The following PAQR8 variants were observed in gnomAD, a reference collection of about 807,000 sequenced individuals.
The protein encoded by PAQR8 is membrane progestin receptor beta.
A neutral mutation model predicts 25.2 loss-of-function variants in PAQR8; 17 were observed. The ratio of observed to expected loss-of-function variants is 0.67; its 90% CI spans 0.46 to 1.01. The LOEUF is 1.01. Among genes scored for constraint, PAQR8 ranks in the 50% least tolerant of loss-of-function variants. The pLI, the probability that PAQR8 is intolerant of heterozygous loss-of-function variation, is 0.00. For synonymous variants in PAQR8, 204 were observed against 190.6 expected (o/e 1.07, Z -0.58); for missense variants, 392 against 448.4 (o/e 0.87, Z 1.14).
intron 1 of PAQR8, among the ~76,000 whole-genome samples, chr6:52,402,520 G>A (rs543148684): frequency 6.6e-6 from 1 of 151,866 alleles, no homozygotes; most frequent in Admixed American, 6.5e-5. Context: ...GGGAGGCTGA[G>A]GCAGGAGAAT....
chr6:52,381,919 A>G (rs1018774576), intron 1 of PAQR8, among the ~76,000 whole-genome samples: 4 of 152,222 alleles, frequency 2.6e-5, no homozygotes, highest in Non-Finnish European at 4.4e-5. Context: ...ACACATGAGA[A>G]TGTAGCAGCC....
rs1763892544 is a variant in PAQR8 at position 52,405,098 on chromosome 6, T to G, written c.*820T>G. ...ACTATATGGTATCATGGGACCCATC[T>G]ATTTTTTACCAGTGGACTACAGGAT... On this transcript the variant is annotated 3_prime_UTR_variant, in exon 2 of 2. Coordinates refer to ENST00000442253, the MANE Select transcript of PAQR8 (RefSeq NM_133367.5). 6.0e-6 allele frequency: 1 copy of G among 167,114 alleles called. No individual in the cohort carries two copies. Among genetic ancestry groups the G allele is most frequent in the Admixed American group, 6.5e-5 (1 of 15,280 alleles). The allele number at this position is 167,114 out of a possible 1,614,324, so 10.4% of individuals were successfully genotyped here. A position where few individuals can be genotyped will look rare whatever the true frequency, so the allele number is the denominator to read the frequency against.
intron 1 of PAQR8, among the ~76,000 whole-genome samples, chr6:52,372,540 C>G (rs2113935572): frequency 6.6e-6 from 1 of 152,220 alleles, no homozygotes; most frequent in African/African-American, 2.4e-5. Context: ...AACCTCTGAT[C>G]TACAACAGAT....
chr6:52,378,577 G>A (rs563615554), intron 1 of PAQR8, among the ~76,000 whole-genome samples: 6 of 152,204 alleles, frequency 3.9e-5, no homozygotes, highest in African/African-American at 1.4e-4. Context: ...CGGATCACGA[G>A]GTCAGGAGTT....
chr6:52,385,875 G>A (rs1332661123), intron 1 of PAQR8, among the ~76,000 whole-genome samples: 1 of 152,126 alleles, frequency 6.6e-6, no homozygotes, highest in Admixed American at 6.5e-5. Context: ...GACAGAGTGA[G>A]ACCCTGTCTC....
chr6:52,394,102 G>T (rs1763740888), intron 1 of PAQR8, among the ~76,000 whole-genome samples: 1 of 152,128 alleles, frequency 6.6e-6, no homozygotes, highest in Non-Finnish European at 1.5e-5. Context: ...AGATAATAAG[G>T]ACTCAAATTC....
rs1562432693 is a variant in PAQR8 at position 52,393,332 on chromosome 6, TC to T, written c.-52-9829del. ...TACTATTATTCTGACACTTTCTCTC[TC>T]TTTTTTTTTTTTTTTTTTTTGAGAC... is the stretch of plus-strand genomic sequence containing the variant. On this transcript the variant is annotated intron_variant, in intron 1 of 1. Transcript: ENST00000442253. 5.7e-5 allele frequency among the ~76,000 whole-genome samples: 7 copies of T among 123,886 alleles called. No individual in the cohort carries two copies. The East Asian group carries it at 1.7e-3, about 30-fold the overall frequency. The allele number at this position is 123,886 out of a possible 152,430, so 81.3% of individuals were successfully genotyped here.
At chr6:52,372,733 C>CAT (rs61001949) in intron 1 of PAQR8, among the ~76,000 whole-genome samples, 12,119 of 145,264 alleles carry the variant, frequency 0.083, 545 homozygotes, top group South Asian at 0.16. Flanking sequence ...TGGCCAACTC[C>CAT]ATATATATAT....
In PAQR8 at chr6:52,403,695, C is replaced by T. The variant is rs752117077; in HGVS notation, c.482C>T (p.Ala161Val). Residue 161 changes from alanine (A) to valine (V), a missense_variant, in exon 2 of 2, where the codon GCT becomes GTT. Physicochemically the swap from Ala to Val is moderately conservative, Grantham distance 64 (BLOSUM62 0). Transcript: ENST00000442253. ...GTTTACCAATATGGCAGTGCTTTGG[C>T]TCATTTCTTCTACAGCTCTGACCAG... ...VSVYQYGSAL[A>V]HFFYSSDQAW... The T allele has an allele frequency of 1.2e-6, 2 of 1,614,260 alleles. No homozygotes were observed. The highest frequency in any genetic ancestry group is 1.7e-6 in the Non-Finnish European group (2 of 1,180,052).
At chr6:52,397,760 T>A (rs1763783296) in intron 1 of PAQR8, among the ~76,000 whole-genome samples, 3 of 152,184 alleles carry the variant, frequency 2.0e-5, no homozygotes, top group African/African-American at 7.2e-5. Flanking sequence ...TAAGGTAGAA[T>A]CTTGGTCAGC....
rs1581799848 is a variant in PAQR8 at position 52,403,867 on chromosome 6, T to G, written c.654T>G (p.Gly218=). 1 of 1,614,236 alleles carries G rather than the reference T, an allele frequency of 6.2e-7. No individual in the cohort carries two copies. The highest frequency in any genetic ancestry group is 8.5e-7 in the Non-Finnish European group (1 of 1,180,040). Residue 218 remains glycine (G), a synonymous_variant, in exon 2 of 2, where the codon GGT becomes GGG. Coordinates refer to ENST00000442253, the MANE Select transcript of PAQR8 (RefSeq NM_133367.5). ...MRKICQVVPA[G]LAFILDISPV... is the part of the protein sequence containing the mutation. ...AGATCTGTCAAGTGGTGCCAGCAGG[T>G]CTGGCTTTTATCCTAGACATCAGCC...
At chr6:52,387,117 T>A (rs777633094) in intron 1 of PAQR8, among the ~76,000 whole-genome samples, 5 of 152,268 alleles carry the variant, frequency 3.3e-5, no homozygotes, top group East Asian at 1.9e-4. Flanking sequence ...AATTACTACT[T>A]CTAATTACAG....
chr6:52,370,042 G>T (rs545524900), intron 1 of PAQR8, among the ~76,000 whole-genome samples: 1 of 151,968 alleles, frequency 6.6e-6, no homozygotes, highest in African/African-American at 2.4e-5. Flanking sequence ...GTTAATTCAT[G>T]AAGTGCTAAA....
chr6:52,396,831 C>T (rs950322171), intron 1 of PAQR8, among the ~76,000 whole-genome samples: 1 of 152,168 alleles, frequency 6.6e-6, no homozygotes, highest in Non-Finnish European at 1.5e-5. Flanking sequence ...GGAGATGAGT[C>T]TGAAGTGCCC....
intron 1 of PAQR8, among the ~76,000 whole-genome samples, chr6:52,364,455 C>T (rs998537883): frequency 6.6e-6 from 1 of 152,240 alleles, no homozygotes; most frequent in South Asian, 2.1e-4. Flanking sequence ...AATTCTTTAT[C>T]CAAATGTTAA....
chr6:52,366,385 T>C (rs566005136), intron 1 of PAQR8, among the ~76,000 whole-genome samples: 1 of 152,336 alleles, frequency 6.6e-6, no homozygotes, highest in South Asian at 2.1e-4. Context: ...CTTACAATGA[T>C]GCAGGAACAA....
intron 1 of PAQR8, among the ~76,000 whole-genome samples, chr6:52,375,040 G>GT (rs1562428102): frequency 2.0e-5 from 3 of 151,880 alleles, no homozygotes; most frequent in South Asian, 4.1e-4. Flanking sequence ...TTTTGAAATA[G>GT]TTTTTTATTA....
At chr6:52,399,147 C>G (rs1462603328) in intron 1 of PAQR8, among the ~76,000 whole-genome samples, 1 of 152,206 alleles carries the variant, frequency 6.6e-6, no homozygotes, top group Non-Finnish European at 1.5e-5. Context: ...TCCCTTTGGA[C>G]TTGTACCTCT....
At chr6:52,386,173 A>G (rs939545169) in intron 1 of PAQR8, among the ~76,000 whole-genome samples, 2 of 85,412 alleles carry the variant, frequency 2.3e-5, no homozygotes, top group East Asian at 4.9e-4. Flanking sequence ...CAGAATGGCT[A>G]TTATTTAAAT....
Sources: gnomAD v4.1 joint callset for allele counts (sites outside exome capture counted in the v4.1 genomes callset) on GRCh38, gnomAD v4.1.1 for gene constraint, MANE v1.5 for transcripts, NCBI Gene and HGNC (gene_info 2026-07-23, HGNC 2026-07-21) for gene names.